Variants in SNPH observed in about 807,000 individuals in gnomAD.
SNPH encodes syntaphilin.
Under a neutral mutation model 36.8 loss-of-function variants are expected in SNPH, and 10 were observed. The observed-to-expected ratio is 0.27, with a 90% confidence interval of 0.17 to 0.46. The LOEUF (loss-of-function observed/expected upper bound fraction) is 0.46. Ranked by LOEUF, SNPH falls within the 20% of genes least tolerant of loss-of-function variation. The pLI is 1.00. For missense variants in SNPH, 622 were observed against 744.0 expected, an observed-to-expected ratio of 0.84 and a Z score of 1.91; for synonymous variants, 281 against 312.2, an observed-to-expected ratio of 0.90 and a Z score of 1.05.
chr20:1,269,746 G>A (rs1275065201), intron 2 of SNPH, among the ~76,000 whole-genome samples: 1 of 152,128 alleles, frequency 6.6e-6, no homozygotes, highest in Admixed American at 6.5e-5. Flanking sequence ...CCTTTACCGA[G>A]GATAATGGTT....
At chr20:1,290,345 ACCAGTCATTC>A (rs2088344244) in intron 2 of SNPH, among the ~76,000 whole-genome samples, 1 of 152,218 alleles carries the variant, frequency 6.6e-6, no homozygotes, top group Non-Finnish European at 1.5e-5. Flanking sequence ...CATTCCCATT[ACCAGTCATTC>A]CCTGTTCCTT....
rs1185240776 is a variant in SNPH at position 1,266,333 on chromosome 20, C to CA, written c.-663dup. ...CGAGCACCCAGCTAGCCGCCTCCTG[C>CA]AGGGGCTCGGGAGAGCAATTCGGCG... On this transcript the variant is annotated 5_prime_UTR_variant, in exon 1 of 7. Transcript: ENST00000381867. This position sits in a 1 kb window ranked among gnomAD's most constrained non-coding sequence, Gnocchi z 6.0. 5.8e-5 allele frequency: 13 copies of CA among 224,804 alleles called. No individual in the cohort carries two copies. In the East Asian group the frequency reaches 1.1e-3, roughly 19 times the overall value. The allele number at this position is 224,804 out of a possible 1,614,324, so 13.9% of individuals were successfully genotyped here.
chr20:1,288,397 G>C lies in SNPH; in HGVS notation c.-492-6554G>C, dbSNP rs117823341. Among the ~76,000 whole-genome samples the C allele has an allele frequency of 3.7e-4, 57 of 152,210 alleles. 1 individual carries two copies. In the South Asian group the frequency reaches 7.7e-3, roughly 20 times the overall value. Reference sequence around the variant, plus strand: ...AGACGAACAGAGGTCAAAGACCCAAGGTCACCAAGATGGACGATGTGATAT... The same window carrying C: ...AGACGAACAGAGGTCAAAGACCCAACGTCACCAAGATGGACGATGTGATAT... On this transcript the variant is annotated intron_variant, in intron 2 of 6. Transcript: ENST00000381867.
At position 1,305,141 on chromosome 20, in the gene SNPH, T is replaced by C. The variant is rs760160542; in HGVS notation, c.704T>C (p.Met235Thr). 7 of 1,613,636 alleles carry C rather than the reference T, an allele frequency of 4.3e-6. No homozygotes were observed. The highest frequency in any genetic ancestry group is 1.7e-4 in the Middle Eastern group (1 of 6,060). ...LHSMEVAQNG[M>T]AKEDGTGESA... ...AGCATGGAGGTGGCCCAGAATGGCATGGCCAAGGAGGATGGCACTGGGGAG... is the reference window on the plus strand; with the variant it reads ...AGCATGGAGGTGGCCCAGAATGGCACGGCCAAGGAGGATGGCACTGGGGAG... Residue 235 changes from methionine to threonine, a missense_variant, in exon 7 of 7, where the codon ATG becomes ACG. Physicochemically the swap from Met to Thr is moderately conservative, Grantham distance 81. Coordinates refer to ENST00000381867, the MANE Select transcript of SNPH (RefSeq NM_001318234.2).
Position 1,306,082 on chromosome 20 carries a change from C to T in SNPH, c.*28C>T, listed in dbSNP as rs74181579. 1.5e-4 allele frequency: 216 copies of T among 1,411,528 alleles called. No homozygotes were observed. Among genetic ancestry groups the T allele is most frequent in the East Asian group, 4.2e-4 (16 of 37,882 alleles). 87.4% of individuals were successfully genotyped at this position (1,411,528 alleles called of 1,614,324 possible). ...GGGCCCATTCTGGCAGCGGCGCCTG[C>T]GGCCTGACCACTGATTGTAGGGATG... On this transcript the variant is annotated 3_prime_UTR_variant, in exon 7 of 7. Coordinates refer to ENST00000381867, the MANE Select transcript of SNPH (RefSeq NM_001318234.2).
chr20:1,300,053 G>C (rs2088485839), intron 5 of SNPH, among the ~76,000 whole-genome samples: 1 of 152,186 alleles, frequency 6.6e-6, no homozygotes, highest in African/African-American at 2.4e-5. Flanking sequence ...TGTCTGCCAT[G>C]CAGACCCAGC....
intron 5 of SNPH, among the ~76,000 whole-genome samples, chr20:1,297,975 G>C (rs1329116436): frequency 2.0e-5 from 3 of 152,238 alleles, no homozygotes; most frequent in Non-Finnish European, 4.4e-5. Flanking sequence ...TTGTAGTCTT[G>C]AGTGAGGTGA....
chr20:1,301,272 C>G (rs933634410), intron 6 of SNPH, among the ~76,000 whole-genome samples: 41 of 152,138 alleles, frequency 2.7e-4, no homozygotes, highest in Admixed American at 2.7e-3. Flanking sequence ...CCCCCGCAGG[C>G]CGTCTGAGCT....
chr20:1,293,370 T>C (rs1259822052), intron 2 of SNPH, among the ~76,000 whole-genome samples: 1 of 151,862 alleles, frequency 6.6e-6, no homozygotes, highest in Non-Finnish European at 1.5e-5. Flanking sequence ...TACTCTGGGG[T>C]TAAAGTGATG....
intron 2 of SNPH, among the ~76,000 whole-genome samples, chr20:1,281,946 T>C (rs545149085): frequency 3.9e-5 from 6 of 152,232 alleles, no homozygotes; most frequent in Non-Finnish European, 8.8e-5. Flanking sequence ...CCCGCCTGCA[T>C]TGCCATGGGG....
chr20:1,294,101 G>A lies in SNPH; in HGVS notation c.-492-850G>A, dbSNP rs2088398009. ...CAAAAGCCAGAAGGGCAGGGATGAT[G>A]GTGGGAAAGTTGTTGGTGAAGCCAG... On this transcript the variant is annotated intron_variant, in intron 2 of 6. Transcript: ENST00000381867. The surrounding 1 kb of genome is among the most constrained non-coding windows in gnomAD (Gnocchi z 4.4). Among the ~76,000 whole-genome samples the A allele has an allele frequency of 6.6e-6, 1 of 152,230 alleles. No homozygotes were observed. The highest frequency in any genetic ancestry group is 2.4e-5 in the African/African-American group (1 of 41,460).
rs2088602166 is a variant in SNPH at position 1,307,924 on chromosome 20, G to A, written c.*1870G>A. Reference sequence around the variant, plus strand: ...GGGCAGTGGACAAAACCAATCCAAAGCCAAGCCGGGACTGGCTGCGGACCC... The same window carrying A: ...GGGCAGTGGACAAAACCAATCCAAAACCAAGCCGGGACTGGCTGCGGACCC... On this transcript the variant is annotated 3_prime_UTR_variant, in exon 7 of 7. Transcript: ENST00000381867. 2 of 152,678 alleles carry A rather than the reference G, an allele frequency of 1.3e-5. No individual in the cohort carries two copies. Among genetic ancestry groups the A allele is most frequent in the African/African-American group, 2.4e-5 (1 of 41,476 alleles). The allele number at this position is 152,678 out of a possible 1,614,324, so 9.5% of individuals were successfully genotyped here. A position where few individuals can be genotyped will look rare whatever the true frequency, so the allele number is the denominator to read the frequency against.
chr20:1,291,289 CAT>C (rs2088357916), intron 2 of SNPH, among the ~76,000 whole-genome samples: 1 of 152,206 alleles, frequency 6.6e-6, no homozygotes, highest in Non-Finnish European at 1.5e-5. Context: ...GATGGCGCCT[CAT>C]GTGTGGTCCC....
At chr20:1,267,679 CA>C (rs1448713128) in intron 2 of SNPH, among the ~76,000 whole-genome samples, 1 of 152,206 alleles carries the variant, frequency 6.6e-6, no homozygotes, top group Non-Finnish European at 1.5e-5. Context: ...TTTTACATGT[CA>C]GGGGGACCCC....
In SNPH at chr20:1,297,198, G is replaced by C; in HGVS notation, c.236G>C (p.Ser79Thr). ...VRDAYGTSSL[S>T]SSSNSGSYKG... Reference sequence around the variant, plus strand: ...GATGCCTACGGCACCTCTTCGCTCAGCAGCAGCAGCAATTCTGGCTCCTAC... The same window carrying C: ...GATGCCTACGGCACCTCTTCGCTCACCAGCAGCAGCAATTCTGGCTCCTAC... Residue 79 changes from serine to threonine, a missense_variant, in exon 5 of 7, where the codon AGC becomes ACC. By Grantham distance (58) the Ser-to-Thr change is moderately conservative (BLOSUM62 1). Around this residue, in one of 3 missense-constraint regions of SNPH, gnomAD observed 187 missense variants for 209.4 expected, o/e 0.89. Transcript: ENST00000381867. 6 of 1,612,320 alleles carry C rather than the reference G, an allele frequency of 3.7e-6. No individual in the cohort carries two copies. Among genetic ancestry groups the C allele is most frequent in the Non-Finnish European group, 5.1e-6 (6 of 1,179,062 alleles).
At chr20:1,278,047 T>C (rs2088169250) in intron 2 of SNPH, among the ~76,000 whole-genome samples, 1 of 49,332 alleles carries the variant, frequency 2.0e-5, no homozygotes, top group Admixed American at 1.8e-4. Flanking sequence ...TATGTGTGCC[T>C]GTGTGTGTGT....
intron 2 of SNPH, among the ~76,000 whole-genome samples, chr20:1,279,691 C>T (rs2088193495): frequency 6.7e-6 from 1 of 148,702 alleles, no homozygotes; most frequent in African/African-American, 2.5e-5. Context: ...GCAGTGGCAC[C>T]ATCACAGCTC....
chr20:1,279,855 C>T (rs906675275), intron 2 of SNPH, among the ~76,000 whole-genome samples: 1 of 152,156 alleles, frequency 6.6e-6, no homozygotes, highest in African/African-American at 2.4e-5. Flanking sequence ...TCCTGTGACC[C>T]TGGGTGAGTA....
At chr20:1,291,074 G>A (rs780805449) in intron 2 of SNPH, among the ~76,000 whole-genome samples, 14 of 152,260 alleles carry the variant, frequency 9.2e-5, no homozygotes, top group Non-Finnish European at 1.9e-4. Flanking sequence ...GCAGAGGCAA[G>A]TCCTCTTGGG....
Sources: allele counts gnomAD v4.1 joint callset (sites outside exome capture counted in the v4.1 genomes callset), GRCh38; gene constraint gnomAD v4.1.1; regional missense constraint gnomAD v4.1.1; non-coding constraint Gnocchi (gnomAD v3.1); transcripts MANE v1.5; gene names NCBI Gene and HGNC (gene_info 2026-07-23, HGNC 2026-07-21).